The following TMTC2 variants were observed in gnomAD, a reference collection of about 807,000 sequenced individuals.
TMTC2 encodes protein O-mannosyl-transferase TMTC2.
A neutral mutation model predicts 82.4 loss-of-function variants in TMTC2; 43 were observed. The observed-to-expected ratio is 0.52, with a 90% CI of 0.41 to 0.67. The LOEUF (loss-of-function observed/expected upper bound fraction) is 0.67, where lower values mean the gene tolerates loss of function less well. Ranked by LOEUF, TMTC2 falls within the 30% of genes least tolerant of loss-of-function variation. The pLI, the probability that TMTC2 is intolerant of heterozygous loss-of-function variation, is 0.00. For synonymous variants in TMTC2, 408 were observed against 381.9 expected (o/e 1.07, Z -0.80); for missense variants, 919 against 1,012.4 (o/e 0.91, Z 1.25).
intron 2 of TMTC2, among the ~76,000 whole-genome samples, chr12:82,876,707 G>A (rs1260239433): frequency 6.6e-6 from 1 of 151,732 alleles, no homozygotes; most frequent in Non-Finnish European, 1.5e-5. Context: ...GTTATTTCAG[G>A]TTTTTTTCAT....
At chr12:82,725,950 G>T (rs1874427009) in intron 1 of TMTC2, among the ~76,000 whole-genome samples, 1 of 152,130 alleles carries the variant, frequency 6.6e-6, no homozygotes, top group Non-Finnish European at 1.5e-5. Context: ...TTTAAAAGGT[G>T]CTAGACTCTC....
At chr12:82,777,544 T>A (rs992164303) in intron 1 of TMTC2, among the ~76,000 whole-genome samples, 1 of 152,170 alleles carries the variant, frequency 6.6e-6, no homozygotes, top group African/African-American at 2.4e-5. Flanking sequence ...CACTCTTTTA[T>A]GTGTTCAAAT....
chr12:83,091,115 A>G (rs1883832495), intron 11 of TMTC2, among the ~76,000 whole-genome samples: 1 of 152,090 alleles, frequency 6.6e-6, no homozygotes, highest in Non-Finnish European at 1.5e-5. Context: ...CCCTCACTTC[A>G]TGCTGTTCTC....
chr12:82,748,872 C>T (rs987545499), intron 1 of TMTC2, among the ~76,000 whole-genome samples: 12 of 152,158 alleles, frequency 7.9e-5, no homozygotes, highest in African/African-American at 2.7e-4. Flanking sequence ...AGCAAAACTC[C>T]ATCACAAAAA....
At chr12:83,077,546 A>AT (rs143876065) in intron 11 of TMTC2, among the ~76,000 whole-genome samples, 4 of 151,066 alleles carry the variant, frequency 2.6e-5, no homozygotes, top group Non-Finnish European at 1.5e-5. Flanking sequence ...TTATTACCTA[A>AT]TTTTTTTTTA....
chr12:82,949,672 A>G (rs942911748), intron 4 of TMTC2, among the ~76,000 whole-genome samples: 1 of 152,170 alleles, frequency 6.6e-6, no homozygotes, highest in African/African-American at 2.4e-5. Context: ...GCATTATATA[A>G]TATAAGAGAC....
At chr12:83,006,323 C>T (rs964149473) in intron 8 of TMTC2, among the ~76,000 whole-genome samples, 12 of 152,190 alleles carry the variant, frequency 7.9e-5, no homozygotes, top group Admixed American at 7.2e-4. Flanking sequence ...ATATTTTGGT[C>T]TCACTCGCTT....
chr12:82,778,585 A>C (rs1019787666), intron 1 of TMTC2, among the ~76,000 whole-genome samples: 7 of 151,658 alleles, frequency 4.6e-5, no homozygotes, highest in East Asian at 2.0e-4. Flanking sequence ...CGCAGTGGCT[A>C]ACGCCTGTAA....
At chr12:82,943,239 A>C (rs1207993610) in intron 4 of TMTC2, among the ~76,000 whole-genome samples, 1 of 152,218 alleles carries the variant, frequency 6.6e-6, no homozygotes, top group Non-Finnish European at 1.5e-5. Flanking sequence ...TGTTGAAAAC[A>C]TTTAATTTGT....
chr12:82,927,746 G>A (rs941156137), intron 3 of TMTC2, among the ~76,000 whole-genome samples: 1 of 152,182 alleles, frequency 6.6e-6, no homozygotes, highest in African/African-American at 2.4e-5. Flanking sequence ...GCAGCCATCA[G>A]CGTTGAGGCA....
At chr12:82,887,835 T>C (rs950492356) in intron 2 of TMTC2, among the ~76,000 whole-genome samples, 2 of 152,104 alleles carry the variant, frequency 1.3e-5, no homozygotes, top group African/African-American at 4.8e-5. Flanking sequence ...GTCCCAGCAC[T>C]TTGGGAGGCT....
rs1592685561 is a variant in TMTC2 at position 83,001,648 on chromosome 12, A to G, written c.2070+15602A>G. On this transcript the variant is annotated intron_variant, in intron 8 of 11. Coordinates refer to ENST00000321196, the MANE Select transcript of TMTC2 (RefSeq NM_152588.3). Reference sequence around the variant, plus strand: ...AAAACTCTGTCTCAAAAAAAAAAAAAAAAAAAGAAAAAGAAAAAGTAATGT... The same window carrying G: ...AAAACTCTGTCTCAAAAAAAAAAAAGAAAAAAGAAAAAGAAAAAGTAATGT... 2.0e-5 allele frequency among the ~76,000 whole-genome samples: 3 copies of G among 151,642 alleles called. No homozygotes were observed. The East Asian group carries it at 5.8e-4, about 29-fold the overall frequency.
chr12:83,050,369 C>A (rs1276823901), intron 9 of TMTC2, among the ~76,000 whole-genome samples: 1 of 151,638 alleles, frequency 6.6e-6, no homozygotes, highest in African/African-American at 2.4e-5. Context: ...TTCTGTGACT[C>A]TGTCTGCAGT....
At chr12:82,985,732 A>G (rs1178513099) in intron 7 of TMTC2, among the ~76,000 whole-genome samples, 193 bp from the exon 8 acceptor site, 1 of 152,208 alleles carries the variant, frequency 6.6e-6, no homozygotes, top group Non-Finnish European at 1.5e-5. Flanking sequence ...TCATTTTCCA[A>G]ACACATGATT....
rs964831169 is a variant in TMTC2 at position 82,787,135 on chromosome 12, A to G, written c.84-69875A>G. ...GTATGGAAACTGGTGAAACTTTTTC[A>G]TATTTATATTTTCACTATCTACTAG... On this transcript the variant is annotated intron_variant, in intron 1 of 11. Transcript: ENST00000321196. Among the ~76,000 whole-genome samples the G allele has an allele frequency of 4.6e-5, 7 of 152,104 alleles. No homozygotes were observed. In the East Asian group the frequency reaches 5.8e-4, roughly 13 times the overall value.
chr12:82,739,440 A>G (rs1386759333), intron 1 of TMTC2, among the ~76,000 whole-genome samples: 1 of 152,084 alleles, frequency 6.6e-6, no homozygotes, highest in Non-Finnish European at 1.5e-5. Context: ...CTGAAATGCC[A>G]ATATGATGGC....
intron 3 of TMTC2, among the ~76,000 whole-genome samples, chr12:82,909,868 G>A (rs887529335): frequency 1.3e-5 from 2 of 152,118 alleles, no homozygotes; most frequent in Non-Finnish European, 2.9e-5. Context: ...TTTGAGAATA[G>A]AGTTAAGATC....
At chr12:82,900,959 T>C in intron 3 of TMTC2, among the ~76,000 whole-genome samples, 1 of 60,936 alleles carries the variant, frequency 1.6e-5, no homozygotes, top group Admixed American at 2.6e-4. Context: ...ATCTGGAATA[T>C]ATATATAGGA....
At chr12:83,045,726 C>CACACACACACACACACACACACCAGG (rs747864661) in intron 9 of TMTC2, among the ~76,000 whole-genome samples, 1 of 77,468 alleles carries the variant, frequency 1.3e-5, no homozygotes, top group African/African-American at 3.8e-5. Flanking sequence ...CACACACACA[C>CACACACACACACACACACACACCAGG]GCACACACAC....
Sources: gnomAD v4.1 joint callset for allele counts (sites outside exome capture counted in the v4.1 genomes callset) on GRCh38, gnomAD v4.1.1 for gene constraint, MANE v1.5 for transcripts, NCBI Gene and HGNC (gene_info 2026-07-23, HGNC 2026-07-21) for gene names.